NCAM2: variants seen among roughly 807,000 people sequenced by gnomAD.
NCAM2 encodes the protein N-CAM-2.
In NCAM2, 30 loss-of-function variants were observed where a neutral mutation model predicts 98.1. The ratio of observed to expected loss-of-function variants is 0.31; its 90% confidence interval spans 0.23 to 0.41. The LOEUF (loss-of-function observed/expected upper bound fraction) is 0.41. NCAM2 is among the 10% of genes least tolerant of loss of function. NCAM2 has a pLI of 1.00. For synonymous variants in NCAM2, 368 were observed against 342.4 expected, an observed-to-expected ratio of 1.07 and a Z score of -0.83; for missense variants, 867 against 1,005.8, an observed-to-expected ratio of 0.86 and a Z score of 1.87.
At chr21:21,017,176 A>G (rs903131222) in intron 1 of NCAM2, among the ~76,000 whole-genome samples, 1 of 147,508 alleles carries the variant, frequency 6.8e-6, no homozygotes, top group Non-Finnish European at 1.5e-5. Flanking sequence ...CTATAATCCC[A>G]GCACTTTGGG....
At position 21,392,377 on chromosome 21, in the gene NCAM2, G is replaced by T. The variant is rs567800963; in HGVS notation, c.1196-17897G>T. Among the ~76,000 whole-genome samples the T allele has an allele frequency of 7.2e-4, 109 of 152,282 alleles. 1 individual carries two copies. The highest frequency in any genetic ancestry group is 2.4e-3 in the African/African-American group (101 of 41,564). ...TGATGGACATTTAGGTTGAATCCAT[G>T]TCTTTGCTATTGTGAATAGTGCTGC... On this transcript the variant is annotated intron_variant, in intron 9 of 17. Coordinates refer to ENST00000400546, the MANE Select transcript of NCAM2 (RefSeq NM_004540.5).
intron 12 of NCAM2, among the ~76,000 whole-genome samples, chr21:21,455,769 T>A (rs1483276855): frequency 6.6e-6 from 1 of 151,978 alleles, no homozygotes; most frequent in Non-Finnish European, 1.5e-5. Context: ...AAAATTTGTG[T>A]TAAGCAACAA....
intron 1 of NCAM2, among the ~76,000 whole-genome samples, chr21:21,013,378 G>A (rs1269319732): frequency 3.3e-5 from 5 of 152,208 alleles, no homozygotes; most frequent in African/African-American, 9.7e-5. Flanking sequence ...TTAAACCAAA[G>A]CGTAATCCAG....
At chr21:21,397,741 G>A (rs531259565) in intron 9 of NCAM2, among the ~76,000 whole-genome samples, 128 of 152,342 alleles carry the variant, frequency 8.4e-4, no homozygotes, top group African/African-American at 3.0e-3. Context: ...AGGAGGCAGG[G>A]CTTCTTCCTG....
At position 21,466,655 on chromosome 21, in the gene NCAM2, G is replaced by A. The variant is rs1438236763; in HGVS notation, c.1704G>A (p.Arg568=). Residue 568 remains arginine, a synonymous_variant, in exon 13 of 18, where the codon AGG becomes AGA. Coordinates refer to ENST00000400546, the MANE Select transcript of NCAM2 (RefSeq NM_004540.5). The stretch of plus-strand genomic sequence containing the variant: ...AACCAAATACAACTTATGAAATCAG[G>A]GTTGCAGCTGTAAATGGAAAGGGAC... ...NLEPNTTYEI[R]VAAVNGKGQG... is the part of the protein sequence containing the mutation. 6.2e-7 allele frequency: 1 copy of A among 1,609,308 alleles called. No individual in the cohort carries two copies. The highest frequency in any genetic ancestry group is 8.5e-7 in the Non-Finnish European group (1 of 1,177,340).
rs371712017 is a variant in NCAM2, at chr21:21,310,397, T to C, written c.620-13986T>C. Among the ~76,000 whole-genome samples the C allele has an allele frequency of 5.9e-5, 9 of 152,208 alleles. 1 individual carries two copies. Among genetic ancestry groups the C allele is most frequent in the African/African-American group, 2.2e-4 (9 of 41,536 alleles). On this transcript the variant is annotated intron_variant, in intron 5 of 17. Transcript: ENST00000400546. ...CATAACAAAGACAAACAGTAGGAAG[T>C]GAAGGAATCTTCAGAATACTTTGGG...
At chr21:21,268,750 TC>T (rs2072386827) in intron 1 of NCAM2, among the ~76,000 whole-genome samples, 1 of 152,154 alleles carries the variant, frequency 6.6e-6, no homozygotes, top group Admixed American at 6.6e-5. Flanking sequence ...CTGGAAGGAA[TC>T]CCCCAAGCTT....
intron 1 of NCAM2, among the ~76,000 whole-genome samples, chr21:21,178,302 G>A (rs535143520): frequency 2.6e-5 from 4 of 152,236 alleles, no homozygotes; most frequent in East Asian, 1.9e-4. Context: ...AAAGTAAGAA[G>A]CAGAGAGAGA....
At chr21:21,149,224 C>G (rs1253661076) in intron 1 of NCAM2, among the ~76,000 whole-genome samples, 1 of 151,908 alleles carries the variant, frequency 6.6e-6, no homozygotes, top group Non-Finnish European at 1.5e-5. Context: ...AATTTAAAAC[C>G]TTCTTGGCAA....
At chr21:21,286,970 G>T (rs762636296) in intron 4 of NCAM2, among the ~76,000 whole-genome samples, 113 of 151,898 alleles carry the variant, frequency 7.4e-4, no homozygotes, top group Middle Eastern at 6.8e-3. Flanking sequence ...TACGTTCAAG[G>T]TTATCTACAA....
intron 4 of NCAM2, among the ~76,000 whole-genome samples, chr21:21,288,287 A>G (rs1050183069): frequency 1.3e-5 from 2 of 151,962 alleles, no homozygotes; most frequent in Non-Finnish European, 2.9e-5. Context: ...GGGGTCAGCT[A>G]TACTTCATTT....
chr21:21,142,456 G>A (rs570068569), intron 1 of NCAM2, among the ~76,000 whole-genome samples: 1 of 132,378 alleles, frequency 7.6e-6, no homozygotes, highest in African/African-American at 2.9e-5. Flanking sequence ...TCGGCTCACT[G>A]CAAGCTCCGC....
At chr21:21,056,817 A>C (rs1012023096) in intron 1 of NCAM2, among the ~76,000 whole-genome samples, 2 of 152,104 alleles carry the variant, frequency 1.3e-5, no homozygotes, top group Non-Finnish European at 2.9e-5. Context: ...TGAGAAGGTC[A>C]CGGGAAGCCT....
At chr21:21,531,501 T>C (rs1201558055) in intron 16 of NCAM2, among the ~76,000 whole-genome samples, 1 of 149,796 alleles carries the variant, frequency 6.7e-6, no homozygotes, top group Non-Finnish European at 1.5e-5. Flanking sequence ...GGGAGTTTTA[T>C]GCAATGAGTT....
chr21:21,008,574 G>T (rs113245136), intron 1 of NCAM2, among the ~76,000 whole-genome samples: 1 of 152,116 alleles, frequency 6.6e-6, no homozygotes, highest in African/African-American at 2.4e-5. Context: ...GGCCAGACTT[G>T]ATATAAATAT....
At chr21:21,264,852 GCA>G (rs749906511) in intron 1 of NCAM2, among the ~76,000 whole-genome samples, 7 of 138,080 alleles carry the variant, frequency 5.1e-5, no homozygotes, top group Admixed American at 7.5e-5. Context: ...ACATGCACAC[GCA>G]CACACGTGTG....
chr21:21,243,359 A>G (rs2071143283), intron 1 of NCAM2, among the ~76,000 whole-genome samples: 1 of 152,198 alleles, frequency 6.6e-6, no homozygotes, highest in Non-Finnish European at 1.5e-5. Context: ...CATTTTTTGT[A>G]GGGGAAATAT....
At chr21:21,090,586 CA>C (rs2065992666) in intron 1 of NCAM2, among the ~76,000 whole-genome samples, 1 of 152,186 alleles carries the variant, frequency 6.6e-6, no homozygotes. Context: ...ACTCTGCCCC[CA>C]GTGTGTATAT....
At position 21,016,066 on chromosome 21, in the gene NCAM2, T is replaced by C. The variant is rs552553968; in HGVS notation, c.55+17448T>C. Among the ~76,000 whole-genome samples the C allele has an allele frequency of 4.7e-4, 71 of 152,314 alleles. No homozygotes were observed. In the Middle Eastern group the frequency reaches 0.01, roughly 22 times the overall value. ...AAAAATCCCCTTACCCTGTGTTGTC[T>C]AGCCAACTTCCCTCAATACTCATTG... On this transcript the variant is annotated intron_variant, in intron 1 of 17. Coordinates refer to ENST00000400546, the MANE Select transcript of NCAM2 (RefSeq NM_004540.5).
Sources: allele counts gnomAD v4.1 joint callset (sites outside exome capture counted in the v4.1 genomes callset), GRCh38; gene constraint gnomAD v4.1.1; transcripts MANE v1.5; gene names NCBI Gene and HGNC (gene_info 2026-07-23, HGNC 2026-07-21).